SLC16A10: variants seen among roughly 807,000 people sequenced by gnomAD.
SLC16A10 encodes the protein solute carrier family 16 member 10, also known as monocarboxylate transporter 10.
In SLC16A10, 27 loss-of-function variants were observed where a neutral mutation model predicts 40.0. That is an observed-to-expected ratio of 0.67 (90% CI 0.50 to 0.93). The LOEUF (loss-of-function observed/expected upper bound fraction) is 0.93. Ranked by LOEUF, SLC16A10 falls within the 40% of genes least tolerant of loss-of-function variation. The pLI is 0.00. For synonymous variants in SLC16A10, 213 were observed against 249.8 expected (o/e 0.85, Z 1.39); for missense variants, 529 against 658.2 (o/e 0.80, Z 2.15).
chr6:111,143,287 G>T (rs1052644395), intron 1 of SLC16A10, among the ~76,000 whole-genome samples: 2 of 151,826 alleles, frequency 1.3e-5, no homozygotes, highest in African/African-American at 4.8e-5. Context: ...TGTTGCCCAG[G>T]CTGGTTTTGA....
chr6:111,208,404 C>A (rs1171029424), intron 4 of SLC16A10, among the ~76,000 whole-genome samples: 1 of 152,040 alleles, frequency 6.6e-6, no homozygotes, highest in Admixed American at 6.6e-5. Context: ...ATGGTGAAAC[C>A]CCGTCTCTAC....
At chr6:111,221,858 C>G in intron 5 of SLC16A10, 145 bp from the exon 6 acceptor site, 1 of 641,240 alleles carries the variant, frequency 1.6e-6, no homozygotes, top group Non-Finnish European at 2.5e-6. Flanking sequence ...TTCTTCCTAT[C>G]AAAAAGGGTT....
intron 1 of SLC16A10, among the ~76,000 whole-genome samples, chr6:111,094,096 A>G (rs754627291): frequency 1.3e-5 from 2 of 152,254 alleles, no homozygotes; most frequent in Non-Finnish European, 2.9e-5. Flanking sequence ...AATGAAAAGC[A>G]TAACACATTT....
chr6:111,186,307 C>A (rs1421118814), intron 3 of SLC16A10, among the ~76,000 whole-genome samples: 1 of 152,196 alleles, frequency 6.6e-6, no homozygotes, highest in Non-Finnish European at 1.5e-5. Flanking sequence ...TGGACATTGG[C>A]ATGTCTCAAA....
Position 111,087,827 on chromosome 6 carries a change from G to C in SLC16A10, c.75G>C (p.Thr25=). 1 of 1,344,770 alleles carries C rather than the reference G, an allele frequency of 7.4e-7. No homozygotes were observed. 83.3% of individuals were successfully genotyped at this position (1,344,770 alleles called of 1,614,324 possible). A position where few individuals can be genotyped will look rare whatever the true frequency, so the allele number is the denominator to read the frequency against. ...CGCAGCCGCTCGGCCCCGCGCCCAC[G>C]GGGGCCGCTCCGCCGCCCGGCCCGG... ...SEAQPLGPAP[T]GAAPPPGPGP... Residue 25 remains threonine, a synonymous_variant, in exon 1 of 6, where the codon ACG becomes ACC. Coordinates refer to ENST00000368851, the MANE Select transcript of SLC16A10 (RefSeq NM_018593.5).
rs141175091 is a variant in SLC16A10, at chr6:111,187,324, G to A, written c.942+9659G>A. ...GGGGTGGCGAAACAACTTGCTCAGG[G>A]TTGCAAGGATGGTACATGGTGCAGC... On this transcript the variant is annotated intron_variant, in intron 3 of 5. Coordinates refer to ENST00000368851, the MANE Select transcript of SLC16A10 (RefSeq NM_018593.5). Among the ~76,000 whole-genome samples, 250 of 152,270 alleles carry A rather than the reference G, an allele frequency of 1.6e-3. 2 individuals are homozygous for A. The highest frequency in any genetic ancestry group is 5.7e-3 in the African/African-American group (238 of 41,544).
chr6:111,170,607 G>A (rs1293061085), intron 1 of SLC16A10, among the ~76,000 whole-genome samples: 1 of 151,932 alleles, frequency 6.6e-6, no homozygotes, highest in Admixed American at 6.6e-5. Flanking sequence ...CCACCACCAC[G>A]CCTGGCTAAT....
intron 1 of SLC16A10, among the ~76,000 whole-genome samples, chr6:111,132,873 A>G (rs1771809293): frequency 6.6e-6 from 1 of 152,220 alleles, no homozygotes; most frequent in African/African-American, 2.4e-5. Flanking sequence ...AAGCAGAGTT[A>G]GGAAAATTGC....
At chr6:111,098,420 A>G (rs1771115135) in intron 1 of SLC16A10, among the ~76,000 whole-genome samples, 1 of 152,216 alleles carries the variant, frequency 6.6e-6, no homozygotes, top group Non-Finnish European at 1.5e-5. Flanking sequence ...AATTAACATT[A>G]AAAAGTGTAG....
chr6:111,185,128 C>T, intron 3 of SLC16A10, among the ~76,000 whole-genome samples: 1 of 152,200 alleles, frequency 6.6e-6, no homozygotes, highest in East Asian at 1.9e-4. Context: ...ACAGAACCAC[C>T]ACAAGGATGA....
intron 1 of SLC16A10, among the ~76,000 whole-genome samples, chr6:111,105,271 T>C (rs1273760693): frequency 1.3e-5 from 2 of 152,182 alleles, no homozygotes; most frequent in African/African-American, 4.8e-5. Context: ...TGTTATCTTA[T>C]ATATTCACAG....
At position 111,156,941 on chromosome 6, in the gene SLC16A10, C is replaced by T. The variant is rs111612455; in HGVS notation, c.344-15754C>T. 2.8e-3 allele frequency among the ~76,000 whole-genome samples: 424 copies of T among 152,214 alleles called. 2 individuals carry two copies. The highest frequency in any genetic ancestry group is 9.4e-3 in the African/African-American group (389 of 41,506). On this transcript the variant is annotated intron_variant, in intron 1 of 5. Coordinates refer to ENST00000368851, the MANE Select transcript of SLC16A10 (RefSeq NM_018593.5). ...TATTTTATTTTATTTTATTTTGAGA[C>T]GGAGTCTTGTTCTGTTGCCCAGGCT...
chr6:111,117,878 T>C (rs1771516929), intron 1 of SLC16A10, among the ~76,000 whole-genome samples: 2 of 152,216 alleles, frequency 1.3e-5, no homozygotes, highest in South Asian at 2.1e-4. Flanking sequence ...ACCTGTGTCT[T>C]AGGACTTCAA....
chr6:111,212,923 T>C (rs1408542239), intron 4 of SLC16A10, among the ~76,000 whole-genome samples: 2 of 152,200 alleles, frequency 1.3e-5, no homozygotes, highest in Non-Finnish European at 2.9e-5. Flanking sequence ...GAATATATAC[T>C]TTATTGGGAC....
chr6:111,125,578 T>C (rs1044346459), intron 1 of SLC16A10, among the ~76,000 whole-genome samples: 1 of 152,216 alleles, frequency 6.6e-6, no homozygotes, highest in Admixed American at 6.5e-5. Context: ...CTAGACAGTC[T>C]GAATAGAGGC....
At chr6:111,157,178 C>T (rs1031049465) in intron 1 of SLC16A10, among the ~76,000 whole-genome samples, 4 of 152,270 alleles carry the variant, frequency 2.6e-5, no homozygotes, top group Non-Finnish European at 5.9e-5. Flanking sequence ...CTCGGCCTCC[C>T]AAAGTGCTGA....
intron 1 of SLC16A10, among the ~76,000 whole-genome samples, chr6:111,151,268 T>G (rs1772167489): frequency 6.6e-6 from 1 of 152,202 alleles, no homozygotes; most frequent in South Asian, 2.1e-4. Flanking sequence ...GCCTTCATTT[T>G]CAAACAAATT....
chr6:111,208,061 C>T (rs1402997381), intron 4 of SLC16A10, among the ~76,000 whole-genome samples: 2 of 152,104 alleles, frequency 1.3e-5, no homozygotes, highest in Non-Finnish European at 2.9e-5. Flanking sequence ...CTCAACATCC[C>T]GGGCTCAAGC....
chr6:111,138,496 G>T (rs961021887), intron 1 of SLC16A10, among the ~76,000 whole-genome samples: 10 of 152,208 alleles, frequency 6.6e-5, no homozygotes, highest in Non-Finnish European at 1.3e-4. Context: ...CCAGCTCTGT[G>T]GCCCTTTGGA....
Sources: allele counts gnomAD v4.1 joint callset (sites outside exome capture counted in the v4.1 genomes callset), GRCh38; gene constraint gnomAD v4.1.1; transcripts MANE v1.5; gene names NCBI Gene and HGNC (gene_info 2026-07-23, HGNC 2026-07-21).